Variants in DEPTOR observed in about 807,000 individuals in gnomAD.
The protein encoded by DEPTOR is DEP domain containing MTOR interacting protein.
DEPTOR carries 41 observed loss-of-function variants against 41.6 expected under a neutral mutation model. That is an observed-to-expected ratio of 0.98 (90% CI 0.77 to 1.28). The LOEUF is 1.28. Ranked by LOEUF, DEPTOR falls within the 50% of genes most tolerant of loss-of-function variation. The pLI is 0.00. For synonymous variants in DEPTOR, 195 were observed against 192.3 expected (o/e 1.01, Z -0.12); for missense variants, 514 against 527.9 (o/e 0.97, Z 0.26).
chr8:119,886,406 G>A (rs1319612109), intron 1 of DEPTOR, among the ~76,000 whole-genome samples: 2 of 151,976 alleles, frequency 1.3e-5, no homozygotes, highest in Admixed American at 6.6e-5. Flanking sequence ...GTAGCCAGGG[G>A]AGGGGAATGA....
intron 4 of DEPTOR, among the ~76,000 whole-genome samples, chr8:119,982,030 A>AT (rs886369484): frequency 7.9e-5 from 12 of 151,442 alleles, no homozygotes; most frequent in Admixed American, 5.3e-4. Context: ...AAAAAAAAAA[A>AT]AAAAAAAAAA....
intron 8 of DEPTOR, among the ~76,000 whole-genome samples, chr8:120,038,229 A>G (rs1241633815): frequency 1.3e-5 from 2 of 150,198 alleles, no homozygotes; most frequent in Non-Finnish European, 2.9e-5. Context: ...AGATTGTGCC[A>G]CTGCACTCCA....
intron 4 of DEPTOR, among the ~76,000 whole-genome samples, chr8:119,995,377 G>A (rs932737408): frequency 1.3e-5 from 2 of 152,062 alleles, no homozygotes; most frequent in Admixed American, 6.6e-5. Context: ...CCTGAGGTCA[G>A]GAGTTCGAGA....
rs550089322 is a variant in DEPTOR at position 119,906,020 on chromosome 8, C to T, written c.123-22380C>T. Among the ~76,000 whole-genome samples the T allele has an allele frequency of 1.7e-4, 26 of 152,220 alleles. 1 individual carries two copies. Among genetic ancestry groups the T allele is most frequent in the African/African-American group, 5.8e-4 (24 of 41,546 alleles). On this transcript the variant is annotated intron_variant, in intron 1 of 8. Transcript: ENST00000286234. ...ATGTTGCCTAAGCTGGTCTCGAACT[C>T]GGGCTCAAGCAGGCCTCCTGCCTCA... is the stretch of plus-strand genomic sequence containing the variant.
chr8:119,905,650 A>G (rs755423180), intron 1 of DEPTOR, among the ~76,000 whole-genome samples: 8 of 105,838 alleles, frequency 7.6e-5, no homozygotes, highest in South Asian at 6.3e-4. Context: ...TTTTTTTTTG[A>G]GACAGAGTCT....
intron 8 of DEPTOR, among the ~76,000 whole-genome samples, chr8:120,048,174 C>CTT: frequency 6.6e-6 from 1 of 152,262 alleles, no homozygotes; most frequent in South Asian, 2.1e-4. Flanking sequence ...TGCAAAAAGG[C>CTT]TATTCATCTT....
chr8:119,956,719 G>T (rs914050993), intron 3 of DEPTOR, among the ~76,000 whole-genome samples: 2 of 144,668 alleles, frequency 1.4e-5, no homozygotes, highest in South Asian at 2.2e-4. Context: ...TAAGAGACAG[G>T]GTTTTTTGTT....
At chr8:120,032,332 C>T (rs1812904639) in intron 8 of DEPTOR, among the ~76,000 whole-genome samples, 1 of 151,562 alleles carries the variant, frequency 6.6e-6, no homozygotes, top group Non-Finnish European at 1.5e-5. Context: ...AATTCCTCTG[C>T]CTCAGCCTCC....
chr8:120,041,627 T>G (rs1312036503), intron 8 of DEPTOR, among the ~76,000 whole-genome samples: 2 of 152,182 alleles, frequency 1.3e-5, no homozygotes, highest in African/African-American at 4.8e-5. Context: ...AACCTCTGCC[T>G]CTTGGGTTCA....
chr8:120,032,511 A>G (rs1812908015), intron 8 of DEPTOR, among the ~76,000 whole-genome samples: 1 of 151,914 alleles, frequency 6.6e-6, no homozygotes. Flanking sequence ...GTGAGTTACC[A>G]CACCCAGCCA....
At chr8:119,942,009 G>A (rs1828210249) in intron 3 of DEPTOR, among the ~76,000 whole-genome samples, 1 of 152,128 alleles carries the variant, frequency 6.6e-6, no homozygotes, top group African/African-American at 2.4e-5. Context: ...GTCTAGTTTT[G>A]GAAATCACAT....
rs768481291 is a variant in DEPTOR at position 119,929,826 on chromosome 8, C to T, written c.313C>T (p.His105Tyr). ...ATATTGTGTTTCAGTGTGTGATGAGCATAAGGAATTCAAGGATGTCAAACT... is the reference window on the plus strand; with the variant it reads ...ATATTGTGTTTCAGTGTGTGATGAGTATAAGGAATTCAAGGATGTCAAACT... ...RGIIHHVCDE[H>Y]KEFKDVKLFY... Residue 105 changes from histidine to tyrosine, a missense_variant, in exon 3 of 9, where the codon CAT becomes TAT. Transcript: ENST00000286234. 9.9e-6 allele frequency: 16 copies of T among 1,612,448 alleles called. No homozygotes were observed. Among genetic ancestry groups the T allele is most frequent in the African/African-American group, 1.3e-5 (1 of 74,974 alleles).
intron 3 of DEPTOR, among the ~76,000 whole-genome samples, chr8:119,949,180 A>T (rs760868933): frequency 2.0e-5 from 3 of 152,158 alleles, no homozygotes; most frequent in Non-Finnish European, 4.4e-5. Flanking sequence ...TATTTTCAAG[A>T]TTTCTCCATG....
chr8:119,892,807 G>A (rs1827468129), intron 1 of DEPTOR, among the ~76,000 whole-genome samples: 1 of 151,338 alleles, frequency 6.6e-6, no homozygotes, highest in Non-Finnish European at 1.5e-5. Context: ...TTTTGAGACG[G>A]AGTCTCGCCC....
At chr8:119,999,359 A>G (rs1164073911) in intron 4 of DEPTOR, among the ~76,000 whole-genome samples, 1 of 152,226 alleles carries the variant, frequency 6.6e-6, no homozygotes, top group Non-Finnish European at 1.5e-5. Context: ...AACATATAAG[A>G]CACTTACTTA....
chr8:119,908,687 G>T (rs1243267945), intron 1 of DEPTOR, among the ~76,000 whole-genome samples: 1 of 151,440 alleles, frequency 6.6e-6, no homozygotes, highest in Non-Finnish European at 1.5e-5. Context: ...TTTTAGTAGA[G>T]ATGGGGTTTC....
chr8:120,016,900 A>C (rs1812620445), intron 8 of DEPTOR, among the ~76,000 whole-genome samples: 1 of 152,276 alleles, frequency 6.6e-6, no homozygotes, highest in Admixed American at 6.5e-5. Flanking sequence ...GGCTTAAGCC[A>C]TCATGCCCAA....
At chr8:120,006,924 A>G in intron 7 of DEPTOR, 49 bp downstream of exon 7, 1 of 1,574,374 alleles carries the variant, frequency 6.4e-7, no homozygotes, top group Non-Finnish European at 8.7e-7. Context: ...ATTTTTCTGC[A>G]CCGTGTCCAT....
chr8:119,942,429 C>T (rs1169729022), intron 3 of DEPTOR, among the ~76,000 whole-genome samples: 1 of 152,218 alleles, frequency 6.6e-6, no homozygotes. Flanking sequence ...TGGTCACGAT[C>T]TCCTGACCTC....
Sources: allele counts gnomAD v4.1 joint callset (sites outside exome capture counted in the v4.1 genomes callset), GRCh38; gene constraint gnomAD v4.1.1; transcripts MANE v1.5; gene names NCBI Gene and HGNC (gene_info 2026-07-23, HGNC 2026-07-21).